The following MIDEAS variants were observed in gnomAD, a reference collection of about 807,000 sequenced individuals.
The protein encoded by MIDEAS is mitotic deacetylase associated SANT domain protein.
In MIDEAS, 26 loss-of-function variants were observed where a neutral mutation model predicts 102.7. That is an observed-to-expected ratio of 0.25 (90% confidence interval 0.19 to 0.35). The LOEUF is 0.35. Among genes scored for constraint, MIDEAS ranks in the 10% least tolerant of loss-of-function variants. The pLI is 1.00. For synonymous variants in MIDEAS, 585 were observed against 591.0 expected (o/e 0.99, Z 0.15); for missense variants, 1,231 against 1,435.6 (o/e 0.86, Z 2.30).
In MIDEAS at chr14:73,739,299, G is replaced by T. The variant is rs1166693941; in HGVS notation, c.710C>A (p.Pro237Gln). 6.2e-7 allele frequency: 1 copy of T among 1,611,540 alleles called. No homozygotes were observed. The highest frequency in any genetic ancestry group is 8.5e-7 in the Non-Finnish European group (1 of 1,179,646). Residue 237 changes from proline (P) to glutamine (Q), a missense_variant, in exon 2 of 13, where the codon CCA becomes CAA. Coordinates refer to ENST00000423556, the MANE Select transcript of MIDEAS (RefSeq NM_001367710.1). ...RQVFRQGPPP[P>Q]NPVAAFPPQK... is the part of the protein sequence containing the mutation. The stretch of plus-strand genomic sequence containing the variant: ...TGGAGGGAAGGCAGCCACCGGGTTT[G>T]GGGGCGGTGGGCCCTGCCGGAAGAC...
chr14:73,737,147 G>C lies in MIDEAS; in HGVS notation c.1600C>G (p.Arg534Gly). 1 of 1,613,884 alleles carries C rather than the reference G, an allele frequency of 6.2e-7. No individual in the cohort carries two copies. The highest frequency in any genetic ancestry group is 8.5e-7 in the Non-Finnish European group (1 of 1,179,970). ...GCTGCCTCAGTTGGGTCCACAGTTC[G>C]CACAGGCACAGACACTGGGATGATG... is the stretch of plus-strand genomic sequence containing the variant. ...PLIIPVSVPVRTVDPTEAAQA... is the reference protein window; with the variant it reads ...PLIIPVSVPVGTVDPTEAAQA... The change falls in exon 3 of 13, where the codon CGA (arginine) becomes GGA (glycine). Residue 534 changes from arginine (R) to glycine (G), a missense_variant. Physicochemically the swap from Arg to Gly is moderately radical, Grantham distance 125. Transcript: ENST00000423556.
chr14:73,722,649 C>T (rs372068098), intron 10 of MIDEAS, 49 bp downstream of exon 10: 2 of 1,600,754 alleles, frequency 1.2e-6, no homozygotes, highest in Non-Finnish European at 1.7e-6. Context: ...CAGGCCTGGT[C>T]CCAGACCCAG....
In MIDEAS at chr14:73,739,048, G is replaced by GTTCTGGGTTCAT. The variant is rs769278819; in HGVS notation, c.949_960dup (p.Met317_Glu320dup). ...GAGTCCTGCAGAAGGGCCTTGCGCA[G>GTTCTGGGTTCAT]TTCTGGGTTCATATCTGGGTTGGGG... On this transcript the variant is annotated inframe_insertion, in exon 2 of 13. Coordinates refer to ENST00000423556, the MANE Select transcript of MIDEAS (RefSeq NM_001367710.1). 48 of 1,564,066 alleles carry GTTCTGGGTTCAT rather than the reference G, an allele frequency of 3.1e-5. No homozygotes were observed. The African/African-American group carries it at 6.2e-4, about 20-fold the overall frequency.
intron 1 of MIDEAS, among the ~76,000 whole-genome samples, chr14:73,782,973 G>A (rs767937293): frequency 6.8e-4 from 104 of 152,320 alleles, no homozygotes; most frequent in Non-Finnish European, 1.4e-3. Context: ...CCAAGTGGAC[G>A]AAATCTGATG....
rs1175628887 is a variant in MIDEAS at position 73,717,152 on chromosome 14, A to G, written c.*1691T>C. 3 of 152,268 alleles carry G rather than the reference A, an allele frequency of 2.0e-5. No homozygotes were observed. The highest frequency in any genetic ancestry group is 1.3e-4 in the Admixed American group (2 of 15,284). The allele number at this position is 152,268 out of a possible 1,614,324, so 9.4% of individuals were successfully genotyped here. The stretch of plus-strand genomic sequence containing the variant: ...AAAACAAAACTCCCTCTCCACTCCC[A>G]GTTACTGACATGATGCTTCTTGGCT... On this transcript the variant is annotated 3_prime_UTR_variant, in exon 13 of 13. Transcript: ENST00000423556.
At chr14:73,779,569 TA>T (rs1367659062) in intron 1 of MIDEAS, among the ~76,000 whole-genome samples, 13 of 47,758 alleles carry the variant, frequency 2.7e-4, no homozygotes, top group Non-Finnish European at 3.8e-4. Flanking sequence ...TTATTATTAT[TA>T]TTATTTTTTT....
chr14:73,782,494 A>AT (rs2053766101), intron 1 of MIDEAS, among the ~76,000 whole-genome samples: 1 of 151,866 alleles, frequency 6.6e-6, no homozygotes, highest in South Asian at 2.1e-4. Flanking sequence ...TGCCTGACTA[A>AT]TTTTTTGCAT....
At chr14:73,756,277 TGTGTGTGTGTGTGTGTGTGCGCGCGCGC>T (rs2053478483) in intron 1 of MIDEAS, among the ~76,000 whole-genome samples, 1 of 87,406 alleles carries the variant, frequency 1.1e-5, no homozygotes, top group African/African-American at 4.7e-5. Context: ...AGTGTGTGTG[TGTGTGTGTGTGTGTGTGTGCGCGCGCGC>T]GTGCGCGCTG....
rs188515061 is a variant in MIDEAS at position 73,753,054 on chromosome 14, G to C, written c.-248+6709C>G. Among the ~76,000 whole-genome samples, 40 of 152,350 alleles carry C rather than the reference G, an allele frequency of 2.6e-4. No individual in the cohort carries two copies. The East Asian group carries it at 6.6e-3, about 25-fold the overall frequency. On this transcript the variant is annotated intron_variant, in intron 1 of 12. Transcript: ENST00000423556. ...ACCTCAGAGGCTGGGATACCTTTAA[G>C]GGGGAGGACACACTTGGGAGGTCCC...
chr14:73,744,209 G>A (rs866363821), intron 1 of MIDEAS, among the ~76,000 whole-genome samples: 28 of 152,274 alleles, frequency 1.8e-4, no homozygotes, highest in Non-Finnish European at 3.1e-4. Context: ...AATGCCATCG[G>A]CAGCCCAGCT....
chr14:73,787,882 C>A (rs1595308126), upstream of MIDEAS, among the ~76,000 whole-genome samples: 1 of 152,112 alleles, frequency 6.6e-6, no homozygotes, highest in Non-Finnish European at 1.5e-5. Flanking sequence ...TCTTTACACT[C>A]AACTCACAGA....
In MIDEAS at chr14:73,717,378, GCTT is replaced by G. The variant is rs1182473943; in HGVS notation, c.*1462_*1464del. The G allele has an allele frequency of 6.6e-6, 1 of 152,158 alleles. No homozygotes were observed. Among genetic ancestry groups the G allele is most frequent in the African/African-American group, 2.4e-5 (1 of 41,432 alleles). 9.4% of individuals were successfully genotyped at this position (152,158 alleles called of 1,614,324 possible). ...TTTCACTTCACCCATGCCAAATATG[GCTT>G]CTTCAAGCCAGAATCCAGGCCCCAT... On this transcript the variant is annotated 3_prime_UTR_variant, in exon 13 of 13. Coordinates refer to ENST00000423556, the MANE Select transcript of MIDEAS (RefSeq NM_001367710.1).
intron 1 of MIDEAS, among the ~76,000 whole-genome samples, chr14:73,783,337 A>G (rs1405318270): frequency 2.0e-5 from 3 of 152,146 alleles, no homozygotes; most frequent in African/African-American, 7.2e-5. Context: ...AGCCAAGCGG[A>G]TGAGAGGAAA....
chr14:73,739,349 T>G lies in MIDEAS; in HGVS notation c.660A>C (p.Ala220=), dbSNP rs1410991294. 4 of 1,602,700 alleles carry G rather than the reference T, an allele frequency of 2.5e-6. No individual in the cohort carries two copies. Among genetic ancestry groups the G allele is most frequent in the Non-Finnish European group, 2.6e-6 (3 of 1,173,218 alleles). Residue 220 remains alanine, a synonymous_variant, in exon 2 of 13, where the codon GCA becomes GCC. Transcript: ENST00000423556. ...CCTGCCGGTTCACCTGGTGGCCGAATGCCAGCTGGAAGGGTTGCAGGGGCA... is the reference window on the plus strand; with the variant it reads ...CCTGCCGGTTCACCTGGTGGCCGAAGGCCAGCTGGAAGGGTTGCAGGGGCA... ...QSLPLQPFQL[A]FGHQVNRQVF... is the part of the protein sequence containing the mutation.
rs377077527 is a variant in MIDEAS, at chr14:73,722,666, C to T, written c.2724+32G>A. ...GGCCTGGTCCCAGACCCAGCCCAGGCTCTATGCAGCTGAGGTTGGAAAAGG... is the reference window on the plus strand; with the variant it reads ...GGCCTGGTCCCAGACCCAGCCCAGGTTCTATGCAGCTGAGGTTGGAAAAGG... On this transcript the variant is annotated intron_variant, in intron 10 of 12. Coordinates refer to ENST00000423556, the MANE Select transcript of MIDEAS (RefSeq NM_001367710.1). 236 of 1,609,586 alleles carry T rather than the reference C, an allele frequency of 1.5e-4. No individual in the cohort carries two copies. The African/African-American group carries it at 2.9e-3, about 20-fold the overall frequency.
At chr14:73,744,442 C>G (rs1166407020) in intron 1 of MIDEAS, among the ~76,000 whole-genome samples, 1 of 152,214 alleles carries the variant, frequency 6.6e-6, no homozygotes, top group Non-Finnish European at 1.5e-5. Context: ...CAGCTCTGAC[C>G]TGGGGATAAC....
intron 3 of MIDEAS, 109 bp downstream of exon 3, chr14:73,736,889 C>T: frequency 1.7e-6 from 2 of 1,155,654 alleles, no homozygotes; most frequent in Non-Finnish European, 2.5e-6. Flanking sequence ...AGTATCTCCA[C>T]AGGTTCCCTG....
intron 1 of MIDEAS, among the ~76,000 whole-genome samples, chr14:73,768,359 A>T (rs2053609725): frequency 6.6e-6 from 1 of 152,080 alleles, no homozygotes; most frequent in Non-Finnish European, 1.5e-5. Context: ...TCTCTCTGCT[A>T]CATGAGGATA....
At chr14:73,745,096 G>A (rs552875645) in intron 1 of MIDEAS, among the ~76,000 whole-genome samples, 2 of 152,140 alleles carry the variant, frequency 1.3e-5, no homozygotes, top group Non-Finnish European at 2.9e-5. Flanking sequence ...GACACAGCCC[G>A]CATTCCTGCC....
Sources: allele counts gnomAD v4.1 joint callset (sites outside exome capture counted in the v4.1 genomes callset), GRCh38; gene constraint gnomAD v4.1.1; transcripts MANE v1.5; gene names NCBI Gene and HGNC (gene_info 2026-07-23, HGNC 2026-07-21).